The following IFT74 variants were observed in gnomAD, a reference collection of about 807,000 sequenced individuals.
IFT74 encodes the protein intraflagellar transport 74, also known as intraflagellar transport protein 74 homolog.
Under a neutral mutation model 96.7 loss-of-function variants are expected in IFT74, and 92 were observed. The ratio of observed to expected loss-of-function variants is 0.95; its 90% CI spans 0.80 to 1.13. The LOEUF is 1.13. Among genes scored for constraint, IFT74 ranks in the 50% most tolerant of loss-of-function variants. IFT74 has a pLI of 0.00. For missense variants in IFT74, 811 were observed against 698.2 expected, an observed-to-expected ratio of 1.16 and a Z score of -1.82; for synonymous variants, 223 against 213.2, an observed-to-expected ratio of 1.05 and a Z score of -0.40.
At chr9:26,989,444 G>C (rs1329937011) in intron 7 of IFT74, among the ~76,000 whole-genome samples, 1 of 152,070 alleles carries the variant, frequency 6.6e-6, no homozygotes, top group Non-Finnish European at 1.5e-5. Flanking sequence ...AGCTTATTTT[G>C]ATTATAAGCA....
intron 19 of IFT74, 30 bp from the exon 20 acceptor site, chr9:27,062,588 A>G: frequency 8.4e-7 from 1 of 1,192,930 alleles, no homozygotes; most frequent in Non-Finnish European, 1.2e-6. Context: ...TTTTATTGAC[A>G]TTGTTTTCCC....
rs1205623189 is a variant in IFT74, at chr9:26,999,271, A to T, written c.587+9076A>T. 9.2e-5 allele frequency among the ~76,000 whole-genome samples: 14 copies of T among 152,240 alleles called. No individual in the cohort carries two copies. The East Asian group carries it at 2.5e-3, about 27-fold the overall frequency. On this transcript the variant is annotated intron_variant, in intron 8 of 19. Transcript: ENST00000380062. ...GGTTTATTACTGTTTTTGCAGTTAGATTTTTTCACCAATAATAATTCAATA... is the reference window on the plus strand; with the variant it reads ...GGTTTATTACTGTTTTTGCAGTTAGTTTTTTTCACCAATAATAATTCAATA...
At chr9:27,005,978 G>A (rs1828755602) in intron 8 of IFT74, among the ~76,000 whole-genome samples, 1 of 151,960 alleles carries the variant, frequency 6.6e-6, no homozygotes, top group Non-Finnish European at 1.5e-5. Flanking sequence ...TGAGTAGCTG[G>A]GATTACAGGC....
rs1225505876 is a variant in IFT74 at position 26,966,419 on chromosome 9, T to C, written c.120+4332T>C. On this transcript the variant is annotated intron_variant, in intron 2 of 19. Transcript: ENST00000380062. ...GTAGTTTTGATTTGCATTTCTCTGA[T>C]GATCAGTGATGTTGAGCACCTTTTC... 5.3e-5 allele frequency among the ~76,000 whole-genome samples: 8 copies of C among 152,288 alleles called. No homozygotes were observed. In the East Asian group the frequency reaches 1.5e-3, roughly 29 times the overall value.
chr9:27,012,105 AT>A (rs1310976104), intron 10 of IFT74, 137 bp downstream of exon 10: 5 of 515,360 alleles, frequency 9.7e-6, no homozygotes, highest in Non-Finnish European at 1.7e-5. Flanking sequence ...TTTTCTTCCT[AT>A]TCTGGACCCA....
chr9:26,979,935 G>A (rs995238824), intron 3 of IFT74, among the ~76,000 whole-genome samples: 1 of 151,794 alleles, frequency 6.6e-6, no homozygotes, highest in Non-Finnish European at 1.5e-5. Context: ...GGCTGGTCTT[G>A]AACTTCTGAC....
intron 2 of IFT74, among the ~76,000 whole-genome samples, chr9:26,968,781 A>G (rs936404723): frequency 1.3e-5 from 2 of 149,956 alleles, no homozygotes; most frequent in East Asian, 1.9e-4. Flanking sequence ...ATTTCTGATT[A>G]TATTTATTTG....
intron 14 of IFT74, among the ~76,000 whole-genome samples, chr9:27,045,270 T>C (rs1041145593): frequency 2.6e-5 from 4 of 152,228 alleles, no homozygotes; most frequent in African/African-American, 9.6e-5. Flanking sequence ...CCCCTGATGA[T>C]CTCAGGTAGA....
At chr9:27,011,645 G>GTT (rs56762171) in intron 9 of IFT74, among the ~76,000 whole-genome samples, 42 of 133,650 alleles carry the variant, frequency 3.1e-4, no homozygotes, top group Admixed American at 3.0e-4. Context: ...AACTCATGAA[G>GTT]TTTTTTTTTT....
intron 1 of IFT74, chr9:26,947,535 C>G (rs1825783325): frequency 6.5e-6 from 1 of 154,464 alleles, no homozygotes; most frequent in Non-Finnish European, 1.4e-5. Context: ...TCCGGCGCGC[C>G]GAATCCGGAT....
At chr9:26,955,106 T>G (rs1826038164), upstream of IFT74, among the ~76,000 whole-genome samples, 1 of 152,176 alleles carries the variant, frequency 6.6e-6, no homozygotes, top group South Asian at 2.1e-4. Context: ...GTCAGGGTCC[T>G]TAAGTGCAAG....
intron 13 of IFT74, among the ~76,000 whole-genome samples, chr9:27,041,918 G>C (rs917002564): frequency 6.6e-6 from 1 of 152,122 alleles, no homozygotes; most frequent in Admixed American, 6.5e-5. Context: ...TAGGAGCTCT[G>C]TCCCATCTAA....
chr9:27,038,497 T>G (rs577953285), intron 13 of IFT74, among the ~76,000 whole-genome samples: 1 of 152,288 alleles, frequency 6.6e-6, no homozygotes, highest in Admixed American at 6.5e-5. Flanking sequence ...CAGGCTGGTC[T>G]CAAACTCCTG....
intron 1 of IFT74, among the ~76,000 whole-genome samples, chr9:26,958,768 T>C (rs1418293723): frequency 6.6e-6 from 1 of 152,066 alleles, no homozygotes; most frequent in East Asian, 1.9e-4. Flanking sequence ...AATAAGGAAG[T>C]TGTGTGGAAT....
At chr9:26,971,080 T>A (rs1826857250) in intron 2 of IFT74, among the ~76,000 whole-genome samples, 1 of 152,204 alleles carries the variant, frequency 6.6e-6, no homozygotes, top group South Asian at 2.1e-4. Context: ...TAAACCTGGG[T>A]ATGATGTTTT....
At chr9:26,947,338 T>G in intron 1 of IFT74, 1 of 418,550 alleles carries the variant, frequency 2.4e-6, no homozygotes, top group Non-Finnish European at 4.3e-6. Flanking sequence ...TGAGCTGGCT[T>G]TCCTCCAGGG....
chr9:27,028,507 C>T (rs1337374612), intron 12 of IFT74, among the ~76,000 whole-genome samples: 6 of 152,158 alleles, frequency 3.9e-5, no homozygotes, highest in Non-Finnish European at 4.4e-5. Context: ...CCTGTAATCC[C>T]AGCACTTTGG....
intron 2 of IFT74, among the ~76,000 whole-genome samples, chr9:26,964,571 T>C (rs549872469): frequency 6.6e-6 from 1 of 152,036 alleles, no homozygotes; most frequent in Non-Finnish European, 1.5e-5. Flanking sequence ...GCCATTTTCA[T>C]GATATTGATT....
At chr9:27,005,406 A>T (rs1289628192) in intron 8 of IFT74, among the ~76,000 whole-genome samples, 2 of 115,564 alleles carry the variant, frequency 1.7e-5, no homozygotes, top group Admixed American at 1.3e-4. Flanking sequence ...AACTTTATTT[A>T]GGAAAGACCC....
Sources: allele counts gnomAD v4.1 joint callset (sites outside exome capture counted in the v4.1 genomes callset), GRCh38; gene constraint gnomAD v4.1.1; transcripts MANE v1.5; gene names NCBI Gene and HGNC (gene_info 2026-07-23, HGNC 2026-07-21).